TRDN: variants seen among roughly 807,000 people sequenced by gnomAD.
The protein encoded by TRDN is triadin in skeletal muscle.
In TRDN, 161 loss-of-function variants were observed where a neutral mutation model predicts 149.7. The observed-to-expected ratio is 1.08, with a 90% CI of 0.95 to 1.23. The LOEUF is 1.23. Ranked by LOEUF, TRDN falls within the 50% of genes most tolerant of loss-of-function variation. The pLI is 0.00. For missense variants in TRDN, 896 were observed against 823.5 expected (o/e 1.09, Z -1.08); for synonymous variants, 294 against 250.5 (o/e 1.17, Z -1.64).
chr6:123,624,309 C>A (rs1164271822), intron 1 of TRDN, among the ~76,000 whole-genome samples: 1 of 152,118 alleles, frequency 6.6e-6, no homozygotes, highest in Non-Finnish European at 1.5e-5. Context: ...TAGTATAGCA[C>A]ATCATTCTAG....
intron 19 of TRDN, among the ~76,000 whole-genome samples, chr6:123,373,779 CAACTT>C (rs1279484713): frequency 3.9e-5 from 6 of 152,160 alleles, no homozygotes; most frequent in African/African-American, 7.2e-5. Flanking sequence ...TTTGACCTCA[CAACTT>C]AACATACTGT....
chr6:123,588,579 T>A (rs1164714194), intron 1 of TRDN, among the ~76,000 whole-genome samples: 3 of 152,216 alleles, frequency 2.0e-5, no homozygotes, highest in Non-Finnish European at 4.4e-5. Flanking sequence ...TTTACAAATG[T>A]GTGATGATTT....
intron 12 of TRDN, among the ~76,000 whole-genome samples, chr6:123,410,327 CAG>C (rs1030769005): frequency 1.4e-4 from 21 of 152,202 alleles, no homozygotes; most frequent in Non-Finnish European, 2.5e-4. Context: ...TAAAGTAAAA[CAG>C]AACACCATGC....
At chr6:123,551,371 AC>A (rs1781382747) in intron 2 of TRDN, among the ~76,000 whole-genome samples, 1 of 150,574 alleles carries the variant, frequency 6.6e-6, no homozygotes, top group Admixed American at 6.6e-5. Flanking sequence ...ACACACACAC[AC>A]ACACACACTT....
chr6:123,579,133 C>A (rs2114570856), intron 1 of TRDN, among the ~76,000 whole-genome samples: 1 of 152,180 alleles, frequency 6.6e-6, no homozygotes. Flanking sequence ...TATTTGGATG[C>A]CCTTTATTTC....
chr6:123,480,249 C>CAAAA (rs34445508), intron 9 of TRDN, among the ~76,000 whole-genome samples: 2 of 98,428 alleles, frequency 2.0e-5, no homozygotes, highest in East Asian at 2.3e-4. Context: ...ACTCCGTTTC[C>CAAAA]AAAAAAAAAA....
chr6:123,480,249 CAAAAAAAA>C, intron 9 of TRDN, among the ~76,000 whole-genome samples: 1 of 98,434 alleles, frequency 1.0e-5, no homozygotes, highest in South Asian at 3.0e-4. Flanking sequence ...ACTCCGTTTC[CAAAAAAAA>C]AAAAAAAAGA....
intron 14 of TRDN, 103 bp downstream of exon 14, chr6:123,388,419 G>A: frequency 7.6e-7 from 1 of 1,313,348 alleles, no homozygotes. Flanking sequence ...AATAGATCCA[G>A]TTATCCAAGG....
chr6:123,277,949 T>C (rs1451367535), intron 26 of TRDN, among the ~76,000 whole-genome samples: 1 of 152,182 alleles, frequency 6.6e-6, no homozygotes. Context: ...CTGCCTACTG[T>C]AGCCTTCAGA....
chr6:123,327,733 G>T (rs2114719977), intron 23 of TRDN, among the ~76,000 whole-genome samples: 1 of 152,094 alleles, frequency 6.6e-6, no homozygotes, highest in East Asian at 1.9e-4. Context: ...TATTTTGTTT[G>T]TGGGTAAATT....
At chr6:123,304,706 G>T (rs983964565) in intron 24 of TRDN, among the ~76,000 whole-genome samples, 3 of 151,992 alleles carry the variant, frequency 2.0e-5, no homozygotes, top group African/African-American at 7.3e-5. Flanking sequence ...TTAAACACAG[G>T]TTTCTGATAA....
At chr6:123,446,311 C>T (rs1028474617) in intron 10 of TRDN, among the ~76,000 whole-genome samples, 2 of 151,922 alleles carry the variant, frequency 1.3e-5, no homozygotes, top group Non-Finnish European at 2.9e-5. Context: ...GGGTGCAGCG[C>T]ACCAGCGTGG....
At chr6:123,253,307 G>A (rs921237995) in intron 37 of TRDN, among the ~76,000 whole-genome samples, 5 of 151,972 alleles carry the variant, frequency 3.3e-5, no homozygotes, top group Non-Finnish European at 7.4e-5. Context: ...CTCATTTAAA[G>A]AGCCAGACTA....
chr6:123,269,325 A>G (rs1777123113), intron 31 of TRDN, among the ~76,000 whole-genome samples: 1 of 152,042 alleles, frequency 6.6e-6, no homozygotes, highest in Non-Finnish European at 1.5e-5. Context: ...AAATGTTTAT[A>G]ATTAAATGGA....
chr6:123,573,773 C>T (rs1385081362), intron 1 of TRDN, among the ~76,000 whole-genome samples: 1 of 151,954 alleles, frequency 6.6e-6, no homozygotes, highest in Admixed American at 6.6e-5. Context: ...ATGGTACAAA[C>T]ATTATCACTA....
chr6:123,230,329 T>C (rs1775552026), intron 38 of TRDN, among the ~76,000 whole-genome samples: 2 of 151,774 alleles, frequency 1.3e-5, no homozygotes, highest in South Asian at 2.1e-4. Context: ...TAGGTGGGAA[T>C]TGAACAATAA....
chr6:123,614,296 A>C (rs1024015037), intron 1 of TRDN, among the ~76,000 whole-genome samples: 8 of 134,910 alleles, frequency 5.9e-5, no homozygotes, highest in African/African-American at 2.2e-4. Flanking sequence ...ATTAAAAAAA[A>C]AAACAAAAAA....
chr6:123,216,731 T>A lies in TRDN; in HGVS notation c.*1870A>T, dbSNP rs1439891864. 1.3e-5 allele frequency: 2 copies of A among 151,916 alleles called. No individual in the cohort carries two copies. Among genetic ancestry groups the A allele is most frequent in the Non-Finnish European group, 2.9e-5 (2 of 67,914 alleles). The allele number at this position is 151,916 out of a possible 1,614,324, so 9.4% of individuals were successfully genotyped here. A position where few individuals can be genotyped will look rare whatever the true frequency, so the allele number is the denominator to read the frequency against. On this transcript the variant is annotated 3_prime_UTR_variant, in exon 41 of 41. Coordinates refer to ENST00000334268, the MANE Select transcript of TRDN (RefSeq NM_006073.4). ...CTCATGGAGAAACAAACATAGTATG[T>A]TTAGTAAATTTTTCAAGGTCATTCA...
chr6:123,284,699 C>A (rs1777737550), intron 24 of TRDN, among the ~76,000 whole-genome samples: 1 of 152,044 alleles, frequency 6.6e-6, no homozygotes, highest in Admixed American at 6.6e-5. Flanking sequence ...AAAGGGCATT[C>A]AAATCAGTAA....
Sources: gnomAD v4.1 joint callset for allele counts (sites outside exome capture counted in the v4.1 genomes callset) on GRCh38, gnomAD v4.1.1 for gene constraint, MANE v1.5 for transcripts, NCBI Gene and HGNC (gene_info 2026-07-23, HGNC 2026-07-21) for gene names.